Variants in NOTCH2NLR observed in about 807,000 individuals in gnomAD.
The protein encoded by NOTCH2NLR is notch 2 N-terminal like R, also known as notch 2 N-terminal like R (pseudogene).
Under a neutral mutation model 35.6 loss-of-function variants are expected in NOTCH2NLR, and 33 were observed. The observed-to-expected ratio is 0.93, with a 90% CI of 0.70 to 1.24. The LOEUF is 1.24. Among genes scored for constraint, NOTCH2NLR ranks in the 50% most tolerant of loss-of-function variants. The probability of loss-of-function intolerance (pLI) is 0.00; values close to 1 mark genes in which losing one functional copy is unlikely to be tolerated. For missense variants in NOTCH2NLR, 276 were observed against 362.2 expected, an observed-to-expected ratio of 0.76 and a Z score of 1.93; for synonymous variants, 103 against 141.0, an observed-to-expected ratio of 0.73 and a Z score of 1.91.
chr1:120,724,959 GC>G (rs1650801985), intron 1 of NOTCH2NLR, among the ~76,000 whole-genome samples: 1 of 63,856 alleles, frequency 1.6e-5, no homozygotes, highest in East Asian at 3.2e-4. Context: ...GCGGAGCTCT[GC>G]TGCTGTTTCA....
chr1:120,724,260 G>C lies in NOTCH2NLR; in HGVS notation c.73+10G>C. On this transcript the variant is annotated intron_variant, in intron 1 of 4. Coordinates refer to ENST00000624419, the Ensembl canonical transcript of NOTCH2NLR. The stretch of plus-strand genomic sequence containing the variant: ...GCGGCCCCCGCGCATGGTGAGTATC[G>C]GGCTGAGGGGCGCTGTCCGCGGCGC... 7.2e-7 allele frequency: 1 copy of C among 1,392,524 alleles called. No individual in the cohort carries two copies. The highest frequency in any genetic ancestry group is 9.4e-7 in the Non-Finnish European group (1 of 1,063,538). The allele number at this position is 1,392,524 out of a possible 1,614,324, so 86.3% of individuals were successfully genotyped here.
chr1:120,745,146 A>T (rs1650966861), intron 1 of NOTCH2NLR, among the ~76,000 whole-genome samples: 2 of 101,526 alleles, frequency 2.0e-5, no homozygotes. Flanking sequence ...AAAAAAAAAC[A>T]AAAAAAAGTG....
At chr1:120,793,213 A>G in exon 4 of NOTCH2NLR, 1 of 1,441,782 alleles carries the variant, frequency 6.9e-7, no homozygotes, top group East Asian at 2.3e-5. Context: ...GTGCAAATGG[A>G]AGTACCTGTA....
At chr1:120,760,154 T>C (rs1484085069) in intron 1 of NOTCH2NLR, among the ~76,000 whole-genome samples, 1 of 74,150 alleles carries the variant, frequency 1.3e-5, no homozygotes, top group African/African-American at 1.3e-4. Flanking sequence ...GGTTGAATAG[T>C]ATTCCATTGT....
rs1173139670 is a variant in NOTCH2NLR, at chr1:120,765,555, T to C, written c.155+1846T>C. ...ATAAGAAGACACTGGTTCTCTCCTTTAAAAATTTCAGTGTGGCGATTCCTC... is the reference window on the plus strand; with the variant it reads ...ATAAGAAGACACTGGTTCTCTCCTTCAAAAATTTCAGTGTGGCGATTCCTC... On this transcript the variant is annotated intron_variant, in intron 2 of 4. Transcript: ENST00000624419. 8.3e-3 allele frequency among the ~76,000 whole-genome samples: 601 copies of C among 72,426 alleles called. 35 individuals are homozygous for C. The highest frequency in any genetic ancestry group is 0.011 in the South Asian group (26 of 2,338). 47.5% of individuals were successfully genotyped at this position (72,426 alleles called of 152,430 possible).
chr1:120,790,468 G>A (rs1651474615), intron 3 of NOTCH2NLR, among the ~76,000 whole-genome samples: 1 of 116,856 alleles, frequency 8.6e-6, no homozygotes. Flanking sequence ...GAGGCAGCAA[G>A]TTAGTGCCTA....
chr1:120,790,584 CTT>C lies in NOTCH2NLR; in HGVS notation c.416-2575_416-2574del, dbSNP rs1439031944. Among the ~76,000 whole-genome samples, 5 of 101,362 alleles carry C rather than the reference CTT, an allele frequency of 4.9e-5. No individual in the cohort carries two copies. In the Middle Eastern group the frequency reaches 0.012, roughly 245 times the overall value. The allele number at this position is 101,362 out of a possible 152,430, so 66.5% of individuals were successfully genotyped here. ...TCTTTCTTTCTTTCTTTCTTTCTTT[CTT>C]TCTTTCTCTTTCTCTCTCTTTCCCT... On this transcript the variant is annotated intron_variant, in intron 3 of 4. Coordinates refer to ENST00000624419, the Ensembl canonical transcript of NOTCH2NLR.
chr1:120,776,245 A>G (rs1300500348), intron 2 of NOTCH2NLR, among the ~76,000 whole-genome samples: 1 of 116,162 alleles, frequency 8.6e-6, no homozygotes, highest in Non-Finnish European at 1.6e-5. Flanking sequence ...GTTATTAAGA[A>G]CAGAGGGGGT....
At chr1:120,770,716 G>A (rs1423583684) in intron 2 of NOTCH2NLR, among the ~76,000 whole-genome samples, 8 of 119,412 alleles carry the variant, frequency 6.7e-5, no homozygotes, top group African/African-American at 3.8e-4. Context: ...AGATATACTC[G>A]TGGAAAATGT....
Position 120,781,387 on chromosome 1 carries a change from GC to G in NOTCH2NLR, c.156-3586del, listed in dbSNP as rs1466965411. On this transcript the variant is annotated intron_variant, in intron 2 of 4. Transcript: ENST00000624419. ...GGAGGTCATGGTTCAGCTCTGTGCT[GC>G]ACTGGTAAGAACATGTGTTAAGCCT... 7.6e-3 allele frequency among the ~76,000 whole-genome samples: 251 copies of G among 33,124 alleles called. 6 individuals carry two copies. Among genetic ancestry groups the G allele is most frequent in the Middle Eastern group, 0.014 (2 of 146 alleles). The allele number at this position is 33,124 out of a possible 152,430, so 21.7% of individuals were successfully genotyped here. A position where few individuals can be genotyped will look rare whatever the true frequency, so the allele number is the denominator to read the frequency against.
intron 1 of NOTCH2NLR, among the ~76,000 whole-genome samples, chr1:120,745,266 G>A (rs1650969229): frequency 9.5e-6 from 1 of 104,972 alleles, no homozygotes; most frequent in African/African-American, 5.9e-5. Context: ...CAATTTGGTA[G>A]GTCTCCAACA....
intron 2 of NOTCH2NLR, among the ~76,000 whole-genome samples, chr1:120,778,431 G>A (rs1431750403): frequency 9.0e-6 from 1 of 111,722 alleles, no homozygotes; most frequent in Non-Finnish European, 1.7e-5. Context: ...CTTCAGTGCC[G>A]ACGCAACCCA....
intron 2 of NOTCH2NLR, among the ~76,000 whole-genome samples, chr1:120,781,973 A>G (rs1651367864): frequency 9.7e-6 from 1 of 103,386 alleles, no homozygotes; most frequent in Non-Finnish European, 1.8e-5. Flanking sequence ...TGCTTAGCAA[A>G]TATACAATAC....
In NOTCH2NLR at chr1:120,730,126, T is replaced by C. The variant is rs1650859809; in HGVS notation, c.73+5876T>C. On this transcript the variant is annotated intron_variant, in intron 1 of 4. Coordinates refer to ENST00000624419, the Ensembl canonical transcript of NOTCH2NLR. The stretch of plus-strand genomic sequence containing the variant: ...AAGCCTCCTTATTCCTCCATTAGAA[T>C]GTTACCTGAGATGTTAGAATGCATA... Among the ~76,000 whole-genome samples the C allele has an allele frequency of 9.2e-5, 6 of 65,454 alleles. 1 individual carries two copies. In the Admixed American group the frequency reaches 1.0e-3, roughly 11 times the overall value. The allele number at this position is 65,454 out of a possible 152,430, so 42.9% of individuals were successfully genotyped here.
At chr1:120,723,995 G>T in exon 1 of NOTCH2NLR, 1 of 1,209,332 alleles carries the variant, frequency 8.3e-7, no homozygotes, top group South Asian at 1.8e-5. Flanking sequence ...CGGCGGACTC[G>T]GGGCGCGGGG....
In NOTCH2NLR at chr1:120,724,004, G is replaced by C. The variant is rs1486880921; in HGVS notation, c.-174G>C. 6.6e-6 allele frequency: 8 copies of C among 1,221,000 alleles called. 1 individual carries two copies. In the East Asian group the frequency reaches 1.9e-4, roughly 29 times the overall value. 75.6% of individuals were successfully genotyped at this position (1,221,000 alleles called of 1,614,324 possible). On this transcript the variant is annotated 5_prime_UTR_variant, in exon 1 of 5. Coordinates refer to ENST00000624419, the Ensembl canonical transcript of NOTCH2NLR. ...GAGGAGCGGCGGACTCGGGGCGCGG[G>C]GAGTCGAGGCATTTGCACCTGGGCT...
In NOTCH2NLR at chr1:120,756,070, T is replaced by A. The variant is rs1176144211; in HGVS notation, c.74-7558T>A. Among the ~76,000 whole-genome samples the A allele has an allele frequency of 3.5e-5, 4 of 115,262 alleles. 2 individuals are homozygous for A. Among genetic ancestry groups the A allele is most frequent in the African/African-American group, 1.0e-4 (2 of 19,438 alleles). 75.6% of individuals were successfully genotyped at this position (115,262 alleles called of 152,430 possible). A position where few individuals can be genotyped will look rare whatever the true frequency, so the allele number is the denominator to read the frequency against. ...CGCACTTCTTCTGTTTGTTTGGATT[T>A]TTTTTTCATGGCTTGATCCCAAAAA... On this transcript the variant is annotated intron_variant, in intron 1 of 4. Transcript: ENST00000624419.
chr1:120,764,722 A>G (rs1651170959), intron 2 of NOTCH2NLR, among the ~76,000 whole-genome samples: 1 of 117,384 alleles, frequency 8.5e-6, no homozygotes, highest in Non-Finnish European at 1.7e-5. Context: ...TTCTGCCTCA[A>G]TTGAAAATTT....
Position 120,724,060 on chromosome 1 carries a change from G to C in NOTCH2NLR, c.-118G>C. 8 of 1,286,930 alleles carry C rather than the reference G, an allele frequency of 6.2e-6. 2 individuals are homozygous for C. Among genetic ancestry groups the C allele is most frequent in the Non-Finnish European group, 7.9e-6 (8 of 1,011,900 alleles). The allele number at this position is 1,286,930 out of a possible 1,614,324, so 79.7% of individuals were successfully genotyped here. A position where few individuals can be genotyped will look rare whatever the true frequency, so the allele number is the denominator to read the frequency against. On this transcript the variant is annotated 5_prime_UTR_variant, in exon 1 of 5. Coordinates refer to ENST00000624419, the Ensembl canonical transcript of NOTCH2NLR. ...GCGTAGCGCCAGGGCCTGAGCCTTT[G>C]AAGCAGGAGGAGGGGAGGAGAGAGT...
Sources: allele counts gnomAD v4.1 joint callset (sites outside exome capture counted in the v4.1 genomes callset), GRCh38; gene constraint gnomAD v4.1.1; transcripts MANE v1.5; gene names NCBI Gene and HGNC (gene_info 2026-07-23, HGNC 2026-07-21).